LRRTM4: variants seen among roughly 807,000 people sequenced by gnomAD.
LRRTM4 encodes the protein leucine-rich repeat transmembrane neuronal protein 4.
LRRTM4 carries 25 observed loss-of-function variants against 47.6 expected under a neutral mutation model. The ratio of observed to expected loss-of-function variants is 0.53; its 90% CI spans 0.38 to 0.73. The LOEUF is 0.73. LRRTM4 is among the 30% of genes least tolerant of loss of function. LRRTM4 has a pLI of 0.00. For missense variants in LRRTM4, 638 were observed against 713.4 expected (o/e 0.89, Z 1.20); for synonymous variants, 311 against 269.5 (o/e 1.15, Z -1.51).
intron 3 of LRRTM4, among the ~76,000 whole-genome samples, chr2:77,392,188 A>G (rs1673529987): frequency 7.2e-5 from 11 of 151,968 alleles, no homozygotes; most frequent in Admixed American, 7.2e-4. Flanking sequence ...CCTATATCTT[A>G]ACTCAAGCTG....
At chr2:77,295,860 C>A (rs1676959312) in intron 3 of LRRTM4, among the ~76,000 whole-genome samples, 1 of 152,056 alleles carries the variant, frequency 6.6e-6, no homozygotes, top group Non-Finnish European at 1.5e-5. Flanking sequence ...ACTTAGTCTC[C>A]AAATACTGAG....
rs1158567324 is a variant in LRRTM4 at position 77,471,200 on chromosome 2, CA to C, written c.1551+47117del. 3.3e-5 allele frequency among the ~76,000 whole-genome samples: 5 copies of C among 152,174 alleles called. No individual in the cohort carries two copies. In the South Asian group the frequency reaches 1.0e-3, roughly 32 times the overall value. ...TGTTCTTTCCCCTCTTCATTGAAAG[CA>C]ATTCTATTCTTCTTGCTGCTCAGGT... On this transcript the variant is annotated intron_variant, in intron 3 of 3. Transcript: ENST00000409884.
chr2:77,291,697 A>AT (rs1241314068), intron 3 of LRRTM4, among the ~76,000 whole-genome samples: 1 of 152,022 alleles, frequency 6.6e-6, no homozygotes, highest in Admixed American at 6.6e-5. Flanking sequence ...CATGGTCTGT[A>AT]TTTTTTTATT....
chr2:76,804,686 C>T (rs1314597930), intron 3 of LRRTM4, among the ~76,000 whole-genome samples: 1 of 146,992 alleles, frequency 6.8e-6, no homozygotes, highest in African/African-American at 2.5e-5. Flanking sequence ...TATATTTATA[C>T]ATATATTTGA....
At chr2:77,090,616 C>T (rs948933638) in intron 3 of LRRTM4, among the ~76,000 whole-genome samples, 1 of 152,172 alleles carries the variant, frequency 6.6e-6, no homozygotes, top group African/African-American at 2.4e-5. Context: ...AGTGGCCAGA[C>T]CTTCCTCCAG....
At position 77,493,794 on chromosome 2, in the gene LRRTM4, T is replaced by C. The variant is rs145348885; in HGVS notation, c.1551+24524A>G. ...TAAGTATCCATTTTTATACACTTTATAGCAGGCCACAGAAATTATGAAAAG... is the reference window on the plus strand; with the variant it reads ...TAAGTATCCATTTTTATACACTTTACAGCAGGCCACAGAAATTATGAAAAG... On this transcript the variant is annotated intron_variant, in intron 3 of 3. Transcript: ENST00000409884. 1.7e-3 allele frequency among the ~76,000 whole-genome samples: 256 copies of C among 152,224 alleles called. 5 individuals are homozygous for C. The highest frequency in any genetic ancestry group is 4.1e-3 in the East Asian group (21 of 5,184).
intron 3 of LRRTM4, among the ~76,000 whole-genome samples, chr2:77,035,478 C>G (rs1026261717): frequency 6.6e-6 from 1 of 151,816 alleles, no homozygotes; most frequent in African/African-American, 2.4e-5. Context: ...CCTTCATAAC[C>G]TCAGGCAACA....
chr2:77,118,045 A>G (rs1245260424), intron 3 of LRRTM4, among the ~76,000 whole-genome samples: 1 of 151,960 alleles, frequency 6.6e-6, no homozygotes, highest in East Asian at 1.9e-4. Context: ...AAATTTAGAA[A>G]TTTATGCTAT....
intron 3 of LRRTM4, among the ~76,000 whole-genome samples, chr2:77,369,968 T>A (rs1388197539): frequency 6.6e-6 from 1 of 151,810 alleles, no homozygotes; most frequent in Non-Finnish European, 1.5e-5. Flanking sequence ...TTATGATGCA[T>A]GACTCTCTCT....
chr2:76,932,541 G>GT (rs1300841500), intron 3 of LRRTM4, among the ~76,000 whole-genome samples: 1 of 152,008 alleles, frequency 6.6e-6, no homozygotes, highest in Non-Finnish European at 1.5e-5. Flanking sequence ...CCCTTAGTCT[G>GT]TATCAAGTTT....
At chr2:76,889,454 A>G (rs1673181627) in intron 3 of LRRTM4, among the ~76,000 whole-genome samples, 1 of 151,962 alleles carries the variant, frequency 6.6e-6, no homozygotes, top group Non-Finnish European at 1.5e-5. Context: ...GTGAAAAATA[A>G]AGTATCCCTT....
chr2:77,264,020 T>TA (rs1403031399), intron 3 of LRRTM4, among the ~76,000 whole-genome samples: 1 of 151,644 alleles, frequency 6.6e-6, no homozygotes, highest in Non-Finnish European at 1.5e-5. Flanking sequence ...TTTTTTTTTT[T>TA]AATAGAATTT....
At chr2:77,134,841 CA>C (rs1455994956) in intron 3 of LRRTM4, among the ~76,000 whole-genome samples, 1 of 152,050 alleles carries the variant, frequency 6.6e-6, no homozygotes, top group Non-Finnish European at 1.5e-5. Flanking sequence ...ATTAAAAAGA[CA>C]TAAATAAATC....
chr2:77,053,119 G>A (rs1679494386), intron 3 of LRRTM4, among the ~76,000 whole-genome samples: 1 of 152,140 alleles, frequency 6.6e-6, no homozygotes, highest in African/African-American at 2.4e-5. Context: ...CTGGTTTAAA[G>A]AAACCGTAAC....
At chr2:77,282,576 T>C (rs1305772286) in intron 3 of LRRTM4, among the ~76,000 whole-genome samples, 1 of 151,632 alleles carries the variant, frequency 6.6e-6, no homozygotes, top group Non-Finnish European at 1.5e-5. Context: ...AGGCATTATA[T>C]AAACTAATTT....
At chr2:77,079,122 C>T (rs770618099) in intron 3 of LRRTM4, among the ~76,000 whole-genome samples, 4 of 152,226 alleles carry the variant, frequency 2.6e-5, no homozygotes, top group Non-Finnish European at 4.4e-5. Context: ...GATACAAATA[C>T]TGAGACAATA....
chr2:77,276,036 TGTG>T (rs1001074348), intron 3 of LRRTM4, among the ~76,000 whole-genome samples: 2 of 151,988 alleles, frequency 1.3e-5, no homozygotes, highest in African/African-American at 4.8e-5. Flanking sequence ...GTAGGAAAAG[TGTG>T]ACTGAAATGT....
At chr2:76,953,499 T>G (rs1675565635) in intron 3 of LRRTM4, among the ~76,000 whole-genome samples, 1 of 151,826 alleles carries the variant, frequency 6.6e-6, no homozygotes, top group Non-Finnish European at 1.5e-5. Context: ...TTACGTTCTC[T>G]TGTGAGGGAA....
At chr2:77,089,607 T>G (rs1680860858) in intron 3 of LRRTM4, among the ~76,000 whole-genome samples, 1 of 151,980 alleles carries the variant, frequency 6.6e-6, no homozygotes. Context: ...CTACTCTCTC[T>G]TTTCTCTAGG....
Sources: allele counts gnomAD v4.1 joint callset (sites outside exome capture counted in the v4.1 genomes callset), GRCh38; gene constraint gnomAD v4.1.1; transcripts MANE v1.5; gene names NCBI Gene and HGNC (gene_info 2026-07-23, HGNC 2026-07-21).